PDE4D: variants seen among roughly 807,000 people sequenced by gnomAD.
PDE4D encodes the protein phosphodiesterase 4D.
In PDE4D, 24 loss-of-function variants were observed where a neutral mutation model predicts 87.4. That is an observed-to-expected ratio of 0.27 (90% CI 0.20 to 0.39). PDE4D has a LOEUF of 0.39. Ranked by LOEUF, PDE4D falls within the 10% of genes least tolerant of loss-of-function variation. The pLI, the probability that PDE4D is intolerant of heterozygous loss-of-function variation, is 1.00. For missense variants in PDE4D, 714 were observed against 1,041.0 expected, an observed-to-expected ratio of 0.69 and a Z score of 4.32; for synonymous variants, 384 against 383.2, an observed-to-expected ratio of 1.00 and a Z score of -0.02.
chr5:60,173,342 A>G (rs1489407424), intron 2 of PDE4D, among the ~76,000 whole-genome samples: 1 of 152,158 alleles, frequency 6.6e-6, no homozygotes, highest in Non-Finnish European at 1.5e-5. Context: ...ATAAAGGAAA[A>G]AAACAAGAAA....
chr5:60,078,145 C>T (rs1773521219), intron 2 of PDE4D, among the ~76,000 whole-genome samples: 1 of 152,192 alleles, frequency 6.6e-6, no homozygotes. Context: ...GACTTACCAG[C>T]TTGCAAAATG....
At chr5:59,592,677 TTTTAA>T (rs1273338020) in intron 1 of PDE4D, among the ~76,000 whole-genome samples, 1 of 151,994 alleles carries the variant, frequency 6.6e-6, no homozygotes, top group African/African-American at 2.4e-5. Context: ...TAAATTTTAC[TTTTAA>T]TTTTTTTTTT....
chr5:60,279,098 A>T (rs1294402623), intron 1 of PDE4D, among the ~76,000 whole-genome samples: 2 of 152,172 alleles, frequency 1.3e-5, no homozygotes, highest in Non-Finnish European at 2.9e-5. Flanking sequence ...TTCCACATGG[A>T]TGCAAAGCCC....
chr5:59,071,683 C>CTTTTTTTT lies in PDE4D; in HGVS notation c.809-32720_809-32713dup, dbSNP rs10701223. On this transcript the variant is annotated intron_variant, in intron 5 of 14. Transcript: ENST00000340635. ...ACATCTGTACTTTTTTATTTCTCTTCTTTTTTTTTTTTTTTTTTTTTGAGA... is the reference window on the plus strand; with the variant it reads ...ACATCTGTACTTTTTTATTTCTCTTCTTTTTTTTTTTTTTTTTTTTTTTTTTTTTGAGA... 4.4e-3 allele frequency among the ~76,000 whole-genome samples: 363 copies of CTTTTTTTT among 82,340 alleles called. 6 individuals are homozygous for CTTTTTTTT. Among genetic ancestry groups the CTTTTTTTT allele is most frequent in the Non-Finnish European group, 5.6e-3 (263 of 46,844 alleles). 54.0% of individuals were successfully genotyped at this position (82,340 alleles called of 152,430 possible). A position where few individuals can be genotyped will look rare whatever the true frequency, so the allele number is the denominator to read the frequency against.
In PDE4D at chr5:59,046,089, G is replaced by T. The variant is rs1477583456; in HGVS notation, c.809-7118C>A. ...ATTAATCATACTGTAATAAGATGGAGAAAAAAACAATGGAATTCACCAGAA... is the reference window on the plus strand; with the variant it reads ...ATTAATCATACTGTAATAAGATGGATAAAAAAACAATGGAATTCACCAGAA... On this transcript the variant is annotated intron_variant, in intron 5 of 14. Transcript: ENST00000340635. 2.6e-5 allele frequency among the ~76,000 whole-genome samples: 4 copies of T among 152,216 alleles called. No individual in the cohort carries two copies. The South Asian group carries it at 8.3e-4, about 32-fold the overall frequency.
chr5:60,504,557 C>T (rs1323278842), intron 1 of PDE4D, among the ~76,000 whole-genome samples: 1 of 152,114 alleles, frequency 6.6e-6, no homozygotes, highest in Non-Finnish European at 1.5e-5. Context: ...GCCTCTGCTA[C>T]ACTAAAATGG....
At chr5:59,538,011 TC>T (rs1251896799) in intron 1 of PDE4D, among the ~76,000 whole-genome samples, 3 of 152,230 alleles carry the variant, frequency 2.0e-5, no homozygotes, top group Non-Finnish European at 2.9e-5. Flanking sequence ...GGTTAGACCA[TC>T]CCTGTTGTGT....
At chr5:60,020,731 C>A (rs771217774) in intron 2 of PDE4D, among the ~76,000 whole-genome samples, 4 of 152,158 alleles carry the variant, frequency 2.6e-5, no homozygotes, top group Non-Finnish European at 5.9e-5. Flanking sequence ...TAGGTTGATG[C>A]CACATGAAGA....
At chr5:59,630,884 C>T (rs1831477915) in intron 1 of PDE4D, among the ~76,000 whole-genome samples, 1 of 151,972 alleles carries the variant, frequency 6.6e-6, no homozygotes, top group South Asian at 2.1e-4. Context: ...GAGGTGTAGA[C>T]CCTTGGCTGA....
chr5:59,967,574 T>C (rs1184544900), intron 3 of PDE4D, among the ~76,000 whole-genome samples: 1 of 152,080 alleles, frequency 6.6e-6, no homozygotes, highest in Non-Finnish European at 1.5e-5. Context: ...CCAGTCAGGA[T>C]GGCTATTATA....
At chr5:59,584,414 C>T (rs1228817869) in intron 1 of PDE4D, among the ~76,000 whole-genome samples, 1 of 152,160 alleles carries the variant, frequency 6.6e-6, no homozygotes, top group Non-Finnish European at 1.5e-5. Context: ...CTTAGTTTGG[C>T]CACAACAACA....
intron 3 of PDE4D, among the ~76,000 whole-genome samples, chr5:59,901,923 AACACACACACAC>A (rs59453461): frequency 0.22 from 29,322 of 134,186 alleles, 3,582 homozygotes; most frequent in East Asian, 0.67. Context: ...CTTACATGCA[AACACACACACAC>A]ACACACACAC....
chr5:59,942,480 C>T (rs762880999), intron 3 of PDE4D, among the ~76,000 whole-genome samples: 11 of 152,068 alleles, frequency 7.2e-5, no homozygotes, highest in Admixed American at 1.3e-4. Context: ...GAGCTAGTGT[C>T]CTGGACACAG....
At chr5:59,266,146 C>CTA (rs1028151184) in intron 1 of PDE4D, among the ~76,000 whole-genome samples, 96 of 151,998 alleles carry the variant, frequency 6.3e-4, no homozygotes, top group African/African-American at 2.3e-3. Context: ...CCTGTAGTCC[C>CTA]AGTTACTGGG....
intron 1 of PDE4D, among the ~76,000 whole-genome samples, chr5:59,734,781 T>C (rs187679539): frequency 1.8e-4 from 28 of 152,114 alleles, no homozygotes; most frequent in African/African-American, 6.7e-4. Context: ...GAGGGAGAGA[T>C]GAAAAAAGCT....
chr5:60,095,659 AGTTGTCTATCTACAAGTTCAATG>A (rs1373446239), intron 2 of PDE4D, among the ~76,000 whole-genome samples: 2 of 152,114 alleles, frequency 1.3e-5, no homozygotes, highest in African/African-American at 4.8e-5. Flanking sequence ...TCTATCTACA[AGTTGTCTATCTACAAGTTCAATG>A]GTTGAACTGA....
At chr5:59,749,895 C>T (rs1760173690) in intron 1 of PDE4D, among the ~76,000 whole-genome samples, 1 of 152,068 alleles carries the variant, frequency 6.6e-6, no homozygotes, top group South Asian at 2.1e-4. Context: ...AAACTAAACT[C>T]CTGATCCACC....
At chr5:59,200,734 T>TAG (rs1268358197) in intron 2 of PDE4D, among the ~76,000 whole-genome samples, 2 of 148,104 alleles carry the variant, frequency 1.4e-5, no homozygotes, top group African/African-American at 5.1e-5. Context: ...TGTGTATGTA[T>TAG]ATATATACAT....
chr5:60,393,329 C>G (rs1762676745), intron 1 of PDE4D, among the ~76,000 whole-genome samples: 1 of 152,098 alleles, frequency 6.6e-6, no homozygotes, highest in Admixed American at 6.6e-5. Flanking sequence ...CTTTTCTAAG[C>G]CAAGAGAGTC....
Sources: allele counts gnomAD v4.1 joint callset (sites outside exome capture counted in the v4.1 genomes callset), GRCh38; gene constraint gnomAD v4.1.1; transcripts MANE v1.5; gene names NCBI Gene and HGNC (gene_info 2026-07-23, HGNC 2026-07-21).